Variants in KCNT2 observed in about 807,000 individuals in gnomAD.
The protein encoded by KCNT2 is potassium sodium-activated channel subfamily T member 2.
KCNT2 carries 67 observed loss-of-function variants against 153.8 expected under a neutral mutation model. That is an observed-to-expected ratio of 0.44 (90% CI 0.36 to 0.53). KCNT2 has a LOEUF of 0.53. Among genes scored for constraint, KCNT2 ranks in the 20% least tolerant of loss-of-function variants. KCNT2 has a pLI of 0.00. For missense variants in KCNT2, 975 were observed against 1,354.8 expected, an observed-to-expected ratio of 0.72 and a Z score of 4.40; for synonymous variants, 500 against 458.8, an observed-to-expected ratio of 1.09 and a Z score of -1.15.
chr1:196,422,700 G>C (rs1673313875), intron 12 of KCNT2, among the ~76,000 whole-genome samples: 1 of 151,778 alleles, frequency 6.6e-6, no homozygotes. Context: ...TGGTTCTAAT[G>C]CCTGATCCAT....
At chr1:196,398,788 A>G (rs1671168080) in intron 12 of KCNT2, 117 bp from the exon 13 acceptor site, 1 of 545,832 alleles carries the variant, frequency 1.8e-6, no homozygotes, top group Admixed American at 3.6e-5. Context: ...AAACATAAAA[A>G]TTACTCTGAG....
At chr1:196,362,099 C>T (rs185857046) in intron 14 of KCNT2, among the ~76,000 whole-genome samples, 201 of 152,194 alleles carry the variant, frequency 1.3e-3, no homozygotes, top group South Asian at 3.5e-3. Flanking sequence ...TTCATTTGAG[C>T]ATGCTCCCCC....
intron 26 of KCNT2, among the ~76,000 whole-genome samples, chr1:196,239,625 T>C (rs1025006937): frequency 6.6e-6 from 1 of 151,990 alleles, no homozygotes; most frequent in South Asian, 2.1e-4. Flanking sequence ...TAAATTTTCA[T>C]GTTGAAGTAT....
intron 5 of KCNT2, among the ~76,000 whole-genome samples, chr1:196,476,675 T>C (rs1219311785): frequency 2.0e-5 from 3 of 152,214 alleles, no homozygotes; most frequent in Admixed American, 2.0e-4. Flanking sequence ...CCAAAACTAA[T>C]CATTAAACCT....
intron 1 of KCNT2, among the ~76,000 whole-genome samples, chr1:196,593,323 C>CACACAT (rs1663637878): frequency 6.8e-6 from 1 of 147,592 alleles, no homozygotes; most frequent in Admixed American, 6.8e-5. Context: ...CACACACACA[C>CACACAT]ACACACACAC....
chr1:196,397,485 C>A (rs192546556), intron 13 of KCNT2, among the ~76,000 whole-genome samples: 157 of 151,422 alleles, frequency 1.0e-3, no homozygotes, highest in Non-Finnish European at 5.6e-4. Context: ...CTTAGAGAGG[C>A]CCTAGCACCT....
intron 12 of KCNT2, among the ~76,000 whole-genome samples, chr1:196,418,104 G>T (rs1672897397): frequency 6.6e-6 from 1 of 151,878 alleles, no homozygotes; most frequent in Middle Eastern, 3.2e-3. Context: ...CGTTCTAATT[G>T]TCTCTTTTGA....
chr1:196,397,566 A>T (rs1183518321), intron 13 of KCNT2, among the ~76,000 whole-genome samples: 1 of 151,488 alleles, frequency 6.6e-6, no homozygotes, highest in Non-Finnish European at 1.5e-5. Flanking sequence ...ACTAATGTGC[A>T]ACCAGAGTTG....
intron 12 of KCNT2, among the ~76,000 whole-genome samples, chr1:196,405,980 G>T (rs565658491): frequency 3.3e-5 from 5 of 151,568 alleles, no homozygotes; most frequent in African/African-American, 1.2e-4. Context: ...ACATTCGAAT[G>T]TATTGTTGTA....
At chr1:196,384,707 CAAAAAAAAAA>C (rs60975976) in intron 13 of KCNT2, among the ~76,000 whole-genome samples, 3 of 75,498 alleles carry the variant, frequency 4.0e-5, no homozygotes, top group African/African-American at 1.5e-4. Flanking sequence ...ACCCCATCTC[CAAAAAAAAAA>C]AAAAAAAAAA....
chr1:196,429,462 T>G, intron 9 of KCNT2, 115 bp downstream of exon 9: 1 of 548,108 alleles, frequency 1.8e-6, no homozygotes, highest in Non-Finnish European at 3.2e-6. Context: ...AATGATAGTA[T>G]GTGTTAGTAA....
chr1:196,314,388 C>T (rs982768147), intron 21 of KCNT2, among the ~76,000 whole-genome samples: 24 of 151,402 alleles, frequency 1.6e-4, no homozygotes, highest in African/African-American at 5.8e-4. Flanking sequence ...TTTATATTCT[C>T]TAGAGAAAAA....
At chr1:196,594,537 C>T (rs1024134936) in intron 1 of KCNT2, among the ~76,000 whole-genome samples, 3 of 151,898 alleles carry the variant, frequency 2.0e-5, no homozygotes, top group Non-Finnish European at 4.4e-5. Flanking sequence ...GGACTACTTG[C>T]GTTAAATAAT....
Position 196,489,868 on chromosome 1 carries a change from A to T in KCNT2, c.245T>A (p.Leu82Gln). ...LSCLLYIIRV[L>Q]LENPSQGNEW... ...ATTTCCTTGTGAAGGGTTTTCTAGT[A>T]GTACTCGGATTATGTATAATAAGCA... The change falls in exon 3 of 28, where the codon CTA (leucine) becomes CAA (glutamine). Residue 82 changes from leucine to glutamine, a missense_variant. Physicochemically the swap from Leu to Gln is moderately radical, Grantham distance 113. Around this residue, in one of 6 missense-constraint regions of KCNT2, gnomAD observed 140 missense variants for 216.0 expected, o/e 0.65. Transcript: ENST00000294725. The T allele has an allele frequency of 6.3e-7, 1 of 1,586,750 alleles. No homozygotes were observed. The highest frequency in any genetic ancestry group is 8.6e-7 in the Non-Finnish European group (1 of 1,164,656).
At chr1:196,252,704 C>T (rs1448434423) in intron 26 of KCNT2, among the ~76,000 whole-genome samples, 2 of 151,526 alleles carry the variant, frequency 1.3e-5, no homozygotes, top group Admixed American at 1.3e-4. Flanking sequence ...CATAATTCCA[C>T]CTGGCATCAT....
intron 26 of KCNT2, among the ~76,000 whole-genome samples, chr1:196,250,885 T>C (rs868309144): frequency 6.6e-6 from 1 of 152,096 alleles, no homozygotes; most frequent in African/African-American, 2.4e-5. Flanking sequence ...TCAATGTCAC[T>C]GATCATCAGA....
chr1:196,461,759 T>C (rs937371225), intron 8 of KCNT2, among the ~76,000 whole-genome samples: 1 of 151,698 alleles, frequency 6.6e-6, no homozygotes, highest in African/African-American at 2.4e-5. Context: ...CCAATTCCAT[T>C]ACAATGACCG....
rs144122683 is a variant in KCNT2 at position 196,337,949 on chromosome 1, G to A, written c.1783+2392C>T. 7.0e-3 allele frequency among the ~76,000 whole-genome samples: 1,062 copies of A among 152,024 alleles called. 9 individuals are homozygous for A. Among genetic ancestry groups the A allele is most frequent in the African/African-American group, 0.024 (986 of 41,482 alleles). The stretch of plus-strand genomic sequence containing the variant: ...TAGGGATCTTTGTTTCTTCACTAAC[G>A]TTTTATCACAAACACTTACACGAGA... On this transcript the variant is annotated intron_variant, in intron 16 of 27. Coordinates refer to ENST00000294725, the MANE Select transcript of KCNT2 (RefSeq NM_198503.5).
At chr1:196,466,038 A>G (rs1364053039) in intron 7 of KCNT2, among the ~76,000 whole-genome samples, 1 of 152,010 alleles carries the variant, frequency 6.6e-6, no homozygotes, top group African/African-American at 2.4e-5. Context: ...CTCTAATGGC[A>G]GAGGTATTAA....
Sources: allele counts gnomAD v4.1 joint callset (sites outside exome capture counted in the v4.1 genomes callset), GRCh38; gene constraint gnomAD v4.1.1; regional missense constraint gnomAD v4.1.1; transcripts MANE v1.5; gene names NCBI Gene and HGNC (gene_info 2026-07-23, HGNC 2026-07-21).